The following HIPK3 variants were observed in gnomAD, a reference collection of about 807,000 sequenced individuals.
HIPK3 encodes the protein homeodomain interacting protein kinase 3.
In HIPK3, 47 loss-of-function variants were observed where a neutral mutation model predicts 124.2. The observed-to-expected ratio is 0.38, with a 90% CI of 0.30 to 0.48. The LOEUF is 0.48. Among genes scored for constraint, HIPK3 ranks in the 20% least tolerant of loss-of-function variants. HIPK3 has a pLI of 0.98. For missense variants in HIPK3, 1,286 were observed against 1,454.3 expected (o/e 0.88, Z 1.88); for synonymous variants, 482 against 515.2 (o/e 0.94, Z 0.87).
chr11:33,277,063 T>C (rs1456030460), intron 1 of HIPK3, among the ~76,000 whole-genome samples: 1 of 152,216 alleles, frequency 6.6e-6, no homozygotes, highest in Non-Finnish European at 1.5e-5. Context: ...TATTCTCTGA[T>C]AGATTTTTTA....
intron 1 of HIPK3, among the ~76,000 whole-genome samples, chr11:33,277,292 T>C (rs754167223): frequency 2.0e-5 from 3 of 152,218 alleles, no homozygotes; most frequent in Non-Finnish European, 4.4e-5. Flanking sequence ...TTATAATAAA[T>C]GATACATGCT....
At chr11:33,256,825 C>A, upstream of HIPK3, 1 of 422,406 alleles carries the variant, frequency 2.4e-6, no homozygotes, top group Non-Finnish European at 3.2e-6. Context: ...GACCCTTCCC[C>A]CGTCCTTGAA....
intron 8 of HIPK3, among the ~76,000 whole-genome samples, chr11:33,342,282 C>T (rs768575704): frequency 2.0e-5 from 3 of 152,002 alleles, no homozygotes; most frequent in Non-Finnish European, 4.4e-5. Flanking sequence ...TGAACTTGGG[C>T]TACAGGTTGG....
intron 2 of HIPK3, among the ~76,000 whole-genome samples, chr11:33,322,786 A>G (rs1852701955): frequency 6.6e-6 from 1 of 152,234 alleles, no homozygotes; most frequent in African/African-American, 2.4e-5. Flanking sequence ...AGGCTGCGCC[A>G]CTGCACTCCA....
intron 2 of HIPK3, among the ~76,000 whole-genome samples, chr11:33,306,850 C>T (rs547309166): frequency 2.6e-5 from 4 of 152,046 alleles, no homozygotes; most frequent in South Asian, 4.2e-4. Context: ...TCCTGGCAGC[C>T]TGCTTTTGGT....
rs1851561303 is a variant in HIPK3 at position 33,286,620 on chromosome 11, A to G, written c.206A>G (p.Asn69Ser). The G allele has an allele frequency of 6.2e-7, 1 of 1,614,050 alleles. No homozygotes were observed. The highest frequency in any genetic ancestry group is 8.5e-7 in the Non-Finnish European group (1 of 1,180,034). ...GCTTTTCAGACAAAGATACCATTTAATAGACCTCGAGGACACAACTTTTCA... is the reference window on the plus strand; with the variant it reads ...GCTTTTCAGACAAAGATACCATTTAGTAGACCTCGAGGACACAACTTTTCA... ...GSAFQTKIPF[N>S]RPRGHNFSLQ... Residue 69 changes from asparagine (N) to serine (S), a missense_variant, in exon 2 of 17, where the codon AAT becomes AGT. Asn to Ser is a conservative substitution (Grantham distance 46). Transcript: ENST00000303296.
intron 2 of HIPK3, among the ~76,000 whole-genome samples, chr11:33,313,535 T>C (rs1852408015): frequency 6.6e-6 from 1 of 152,020 alleles, no homozygotes; most frequent in Non-Finnish European, 1.5e-5. Context: ...AGAAAGAGAG[T>C]TAAGGCAAAT....
Position 33,353,747 on chromosome 11 carries a change from C to T in HIPK3, c.*179C>T. 7.0e-6 allele frequency: 4 copies of T among 569,778 alleles called. 1 individual carries two copies. In the South Asian group the frequency reaches 8.3e-5, roughly 12 times the overall value. 35.3% of individuals were successfully genotyped at this position (569,778 alleles called of 1,614,324 possible). On this transcript the variant is annotated 3_prime_UTR_variant, in exon 17 of 17. Coordinates refer to ENST00000303296, the MANE Select transcript of HIPK3 (RefSeq NM_005734.5). ...GATGTGTTTTGCACATTTGGTATAA[C>T]TTGTCTTTGGTCATGTTATCTTCTT...
At chr11:33,330,546 C>T (rs1347355401) in intron 3 of HIPK3, among the ~76,000 whole-genome samples, 4 of 152,196 alleles carry the variant, frequency 2.6e-5, no homozygotes, top group African/African-American at 9.7e-5. Flanking sequence ...CCAGGCTGGT[C>T]TCGAACTCTT....
intron 1 of HIPK3, among the ~76,000 whole-genome samples, chr11:33,259,360 G>A (rs1178921863): frequency 6.6e-6 from 1 of 152,132 alleles, no homozygotes; most frequent in Non-Finnish European, 1.5e-5. Context: ...TCTAGATTCT[G>A]CTTATGTTTG....
intron 2 of HIPK3, among the ~76,000 whole-genome samples, chr11:33,291,325 G>A (rs1478991842): frequency 6.6e-6 from 1 of 152,142 alleles, no homozygotes; most frequent in African/African-American, 2.4e-5. Context: ...AGCAGGAAGT[G>A]GAAACTAACC....
chr11:33,281,058 C>CTTTT (rs56902582), intron 1 of HIPK3, among the ~76,000 whole-genome samples: 2,086 of 111,130 alleles, frequency 0.019, 259 homozygotes, highest in African/African-American at 0.039. Context: ...ACTTATTTGA[C>CTTTT]TTTTTTTTTT....
At chr11:33,272,400 A>G (rs973610390) in intron 1 of HIPK3, among the ~76,000 whole-genome samples, 1 of 142,526 alleles carries the variant, frequency 7.0e-6, no homozygotes, top group African/African-American at 2.8e-5. Flanking sequence ...CTCCGTCTCC[A>G]AAAAAAAAAA....
intron 1 of HIPK3, among the ~76,000 whole-genome samples, chr11:33,264,522 C>T (rs1031166463): frequency 1.3e-5 from 2 of 152,030 alleles, no homozygotes; most frequent in Admixed American, 6.5e-5. Flanking sequence ...GAGTATGAGG[C>T]GAGCTCCTCA....
chr11:33,350,233 T>C lies in HIPK3; in HGVS notation c.2807+946T>C, dbSNP rs532332560. On this transcript the variant is annotated intron_variant, in intron 14 of 16. Transcript: ENST00000303296. ...CCCACTGTCTACAGGACATCCACTA[T>C]GATTTTTTTCTCCCATTGGTGACTG... Among the ~76,000 whole-genome samples the C allele has an allele frequency of 9.2e-5, 14 of 152,340 alleles. No individual in the cohort carries two copies. The East Asian group carries it at 2.7e-3, about 29-fold the overall frequency.
Position 33,339,382 on chromosome 11 carries a change from T to C in HIPK3, c.1461T>C (p.Asp487=). Residue 487 remains aspartate, a synonymous_variant, in exon 6 of 17, where the codon GAT becomes GAC. Coordinates refer to ENST00000303296, the MANE Select transcript of HIPK3 (RefSeq NM_005734.5). Reference sequence around the variant, plus strand: ...CAGTGATGGATTTGGAAGGAAGTGATCTTTTGGCTGAGAAAGCTGATAGAA... The same window carrying C: ...CAGTGATGGATTTGGAAGGAAGTGACCTTTTGGCTGAGAAAGCTGATAGAA... ...VNTVMDLEGS[D]LLAEKADRRE... 1 of 1,613,624 alleles carries C rather than the reference T, an allele frequency of 6.2e-7. No individual in the cohort carries two copies. The highest frequency in any genetic ancestry group is 8.5e-7 in the Non-Finnish European group (1 of 1,179,666).
chr11:33,342,102 CA>C (rs58073130), intron 8 of HIPK3, among the ~76,000 whole-genome samples: 596 of 55,572 alleles, frequency 0.011, 1 homozygote, highest in African/African-American at 0.033. Context: ...GACTCTGTCT[CA>C]AAAAAAAAAA....
intron 8 of HIPK3, among the ~76,000 whole-genome samples, chr11:33,342,542 CT>C (rs371154303): frequency 0.029 from 3,922 of 135,852 alleles, 90 homozygotes; most frequent in African/African-American, 0.066. Flanking sequence ...GCTATACATT[CT>C]TTTTTTTTTT....
chr11:33,328,718 A>G, intron 3 of HIPK3, 85 bp downstream of exon 3: 1 of 1,161,990 alleles, frequency 8.6e-7, no homozygotes, highest in South Asian at 1.6e-5. Context: ...GCAGGTGTAC[A>G]ATACACTGGA....
Sources: gnomAD v4.1 joint callset for allele counts (sites outside exome capture counted in the v4.1 genomes callset) on GRCh38, gnomAD v4.1.1 for gene constraint, MANE v1.5 for transcripts, NCBI Gene and HGNC (gene_info 2026-07-23, HGNC 2026-07-21) for gene names.